Variants in CLIC4 observed in about 807,000 individuals in gnomAD.
CLIC4 encodes chloride intracellular channel protein 4.
A neutral mutation model predicts 24.6 loss-of-function variants in CLIC4; 13 were observed. That is an observed-to-expected ratio of 0.53 (90% CI 0.34 to 0.84). The LOEUF (loss-of-function observed/expected upper bound fraction) is 0.84. Ranked by LOEUF, CLIC4 falls within the 40% of genes least tolerant of loss-of-function variation. The probability of loss-of-function intolerance (pLI) is 0.01; values close to 1 mark genes in which losing one functional copy is unlikely to be tolerated. For missense variants in CLIC4, 227 were observed against 301.7 expected (o/e 0.75, Z 1.83); for synonymous variants, 104 against 111.3 (o/e 0.93, Z 0.41).
At chr1:24,785,925 A>C (rs761366411) in intron 1 of CLIC4, among the ~76,000 whole-genome samples, 7 of 151,804 alleles carry the variant, frequency 4.6e-5, no homozygotes, top group Non-Finnish European at 1.0e-4. Flanking sequence ...AAGCCAGATG[A>C]CTTTGCCCAT....
intron 1 of CLIC4, among the ~76,000 whole-genome samples, chr1:24,790,946 A>T (rs1639327080): frequency 6.6e-6 from 1 of 152,164 alleles, no homozygotes; most frequent in Admixed American, 6.5e-5. Context: ...AGGTGGGAGG[A>T]TAACTTGAGG....
chr1:24,813,489 G>T (rs561360611), intron 2 of CLIC4, among the ~76,000 whole-genome samples: 1 of 151,722 alleles, frequency 6.6e-6, no homozygotes, highest in South Asian at 2.1e-4. Flanking sequence ...TACATTCTCA[G>T]CTCACTGCAA....
At chr1:24,774,047 A>C (rs1043282159) in intron 1 of CLIC4, among the ~76,000 whole-genome samples, 1 of 152,140 alleles carries the variant, frequency 6.6e-6, no homozygotes, top group Non-Finnish European at 1.5e-5. Flanking sequence ...ATCTTGGCTC[A>C]CTGCAACCTC....
Position 24,842,997 on chromosome 1 carries a change from C to G in CLIC4, c.*2060C>G, listed in dbSNP as rs1639958168. 1 of 152,066 alleles carries G rather than the reference C, an allele frequency of 6.6e-6. No homozygotes were observed. The highest frequency in any genetic ancestry group is 2.1e-4 in the South Asian group (1 of 4,826). The allele number at this position is 152,066 out of a possible 1,614,324, so 9.4% of individuals were successfully genotyped here. A position where few individuals can be genotyped will look rare whatever the true frequency, so the allele number is the denominator to read the frequency against. ...TGAGTGGTGCGAGGTGGAGGGCTAA[C>G]AAGAGGAAAGAACTACATTCTTCAG... On this transcript the variant is annotated 3_prime_UTR_variant, in exon 6 of 6. Transcript: ENST00000374379.
At chr1:24,797,937 T>C in intron 2 of CLIC4, 86 bp downstream of exon 2, 1 of 879,508 alleles carries the variant, frequency 1.1e-6, no homozygotes, top group Non-Finnish European at 1.8e-6. Context: ...GCACATATTC[T>C]CTAAAGGAAA....
At chr1:24,820,201 CA>C (rs1332330369) in intron 3 of CLIC4, among the ~76,000 whole-genome samples, 1 of 143,246 alleles carries the variant, frequency 7.0e-6, no homozygotes, top group African/African-American at 2.5e-5. Flanking sequence ...CCTCCTGCCT[CA>C]GCCTTCCAAA....
rs1263871551 is a variant in CLIC4, at chr1:24,840,758, C to G, written c.598-15C>G. The G allele has an allele frequency of 1.3e-6, 2 of 1,585,856 alleles. No homozygotes were observed. Among genetic ancestry groups the G allele is most frequent in the African/African-American group, 1.4e-5 (1 of 73,556 alleles). ...GGAAATAAGTCTGTTAACTTTTGAT[C>G]TCTTTGTATTTCAGGTGGTGGCCAA... is the stretch of plus-strand genomic sequence containing the variant. On this transcript the variant is annotated splice_polypyrimidine_tract_variant and intron_variant, in intron 5 of 5. Transcript: ENST00000374379.
chr1:24,825,005 C>T (rs1557813746), intron 3 of CLIC4, among the ~76,000 whole-genome samples: 1 of 145,404 alleles, frequency 6.9e-6, no homozygotes, highest in Non-Finnish European at 1.5e-5. Flanking sequence ...GTCACACACA[C>T]ACACACACAC....
intron 4 of CLIC4, among the ~76,000 whole-genome samples, chr1:24,830,282 A>G (rs1308252771): frequency 6.6e-6 from 1 of 152,168 alleles, no homozygotes; most frequent in East Asian, 1.9e-4. Context: ...ACATTTCTGT[A>G]AGTACGTATT....
At chr1:24,745,698 G>T (rs1319707153) in intron 1 of CLIC4, 73 bp downstream of exon 1, 1 of 1,338,640 alleles carries the variant, frequency 7.5e-7, no homozygotes, top group African/African-American at 1.5e-5. Context: ...CGGCGTCCCG[G>T]GGCTCTCCTG....
intron 4 of CLIC4, among the ~76,000 whole-genome samples, chr1:24,830,086 T>C (rs532693045): frequency 6.6e-6 from 1 of 152,324 alleles, no homozygotes; most frequent in Admixed American, 6.5e-5. Flanking sequence ...AGTGCTCTTA[T>C]TACATTTAAT....
chr1:24,809,007 G>T lies in CLIC4; in HGVS notation c.183-5087G>T, dbSNP rs577045185. Among the ~76,000 whole-genome samples the T allele has an allele frequency of 7.2e-5, 11 of 152,114 alleles. No homozygotes were observed. The South Asian group carries it at 2.3e-3, about 32-fold the overall frequency. ...AAAAAATATTTTTGATCCTCAGTTG[G>T]TTGAATCCACAGATGCTGAACCCAT... On this transcript the variant is annotated intron_variant, in intron 2 of 5. Coordinates refer to ENST00000374379, the MANE Select transcript of CLIC4 (RefSeq NM_013943.3).
chr1:24,750,258 C>G (rs1638757629), intron 1 of CLIC4, among the ~76,000 whole-genome samples: 1 of 152,052 alleles, frequency 6.6e-6, no homozygotes, highest in African/African-American at 2.4e-5. Flanking sequence ...AGGAAAACAA[C>G]AAAGGCTTAT....
intron 1 of CLIC4, among the ~76,000 whole-genome samples, chr1:24,786,587 C>T (rs1639269814): frequency 6.6e-6 from 1 of 152,076 alleles, no homozygotes; most frequent in Non-Finnish European, 1.5e-5. Context: ...TAAGTTTTCT[C>T]TTTAATCATT....
intron 2 of CLIC4, among the ~76,000 whole-genome samples, chr1:24,811,965 G>A (rs1311948887): frequency 6.6e-6 from 1 of 152,124 alleles, no homozygotes; most frequent in Admixed American, 6.6e-5. Context: ...GTAGTTGTCA[G>A]CATAACAGTT....
In CLIC4 at chr1:24,792,638, T is replaced by TA. The variant is rs1234239835; in HGVS notation, c.73-5098dup. On this transcript the variant is annotated intron_variant, in intron 1 of 5. Coordinates refer to ENST00000374379, the MANE Select transcript of CLIC4 (RefSeq NM_013943.3). Reference sequence around the variant, plus strand: ...TATTTGACTTGTCATTAGTGGTTAGTAAAAAAGGGACTTTTTTCAGGTCCG... The same window carrying TA: ...TATTTGACTTGTCATTAGTGGTTAGTAAAAAAAGGGACTTTTTTCAGGTCCG... Among the ~76,000 whole-genome samples the TA allele has an allele frequency of 1.2e-4, 18 of 152,314 alleles. No homozygotes were observed. In the East Asian group the frequency reaches 2.7e-3, roughly 23 times the overall value.
intron 3 of CLIC4, among the ~76,000 whole-genome samples, chr1:24,815,926 C>G (rs1315494233): frequency 2.6e-5 from 4 of 152,122 alleles, no homozygotes; most frequent in African/African-American, 4.8e-5. Flanking sequence ...TCCTTGTTGT[C>G]ATTTCAACAA....
intron 1 of CLIC4, among the ~76,000 whole-genome samples, chr1:24,746,264 A>C (rs549344368): frequency 1.3e-5 from 2 of 152,248 alleles, no homozygotes; most frequent in East Asian, 3.9e-4. Flanking sequence ...CTCGTTTCTC[A>C]AGCGCGGAGT....
intron 1 of CLIC4, among the ~76,000 whole-genome samples, chr1:24,763,840 G>A (rs745504566): frequency 2.6e-5 from 4 of 151,804 alleles, no homozygotes; most frequent in Non-Finnish European, 5.9e-5. Flanking sequence ...ATGACTCTTC[G>A]GTTATCTATT....
Sources: gnomAD v4.1 joint callset for allele counts (sites outside exome capture counted in the v4.1 genomes callset) on GRCh38, gnomAD v4.1.1 for gene constraint, MANE v1.5 for transcripts, NCBI Gene and HGNC (gene_info 2026-07-23, HGNC 2026-07-21) for gene names.